MXD1: variants seen among roughly 807,000 people sequenced by gnomAD.
MXD1 encodes the protein MAX dimerization protein 1.
In MXD1, 9 loss-of-function variants were observed where a neutral mutation model predicts 25.7. The observed-to-expected ratio is 0.35, with a 90% CI of 0.21 to 0.61. The LOEUF (loss-of-function observed/expected upper bound fraction) is 0.61. MXD1 is among the 20% of genes least tolerant of loss of function. MXD1 has a pLI of 0.75. For missense variants in MXD1, 227 were observed against 292.4 expected, an observed-to-expected ratio of 0.78 and a Z score of 1.63; for synonymous variants, 99 against 113.9, an observed-to-expected ratio of 0.87 and a Z score of 0.83.
At chr2:69,920,974 C>T (rs1483654323) in intron 2 of MXD1, among the ~76,000 whole-genome samples, 2 of 152,200 alleles carry the variant, frequency 1.3e-5, no homozygotes, top group Non-Finnish European at 2.9e-5. Flanking sequence ...ATCAGTTTTA[C>T]AGCTGTTACC....
Position 69,940,140 on chromosome 2 carries a change from A to G in MXD1, c.*1856A>G, listed in dbSNP as rs932298173. ...TTGGGTGGGGGGAGGGGCAGGTGAC[A>G]CAAAGGATTTTTTTTTTTTTTTTTT... On this transcript the variant is annotated 3_prime_UTR_variant, in exon 6 of 6. Coordinates refer to ENST00000264444, the MANE Select transcript of MXD1 (RefSeq NM_002357.4). 4.1e-5 allele frequency: 6 copies of G among 148,140 alleles called. No homozygotes were observed. The highest frequency in any genetic ancestry group is 1.5e-4 in the African/African-American group (6 of 39,890). 9.2% of individuals were successfully genotyped at this position (148,140 alleles called of 1,614,324 possible).
chr2:69,930,026 T>C (rs10196546), intron 3 of MXD1, among the ~76,000 whole-genome samples: 60,539 of 152,122 alleles, frequency 0.4, 15,534 homozygotes, highest in African/African-American at 0.73. Context: ...GTAGTCCCAG[T>C]GTTAAAAAGA....
intron 2 of MXD1, 126 bp from the exon 3 acceptor site, chr2:69,921,610 T>C: frequency 1.4e-6 from 1 of 729,156 alleles, no homozygotes; most frequent in South Asian, 2.7e-5. Context: ...CCCAGTGAAT[T>C]TTTCTGCCTT....
At position 69,939,859 on chromosome 2, in the gene MXD1, C is replaced by A; in HGVS notation, c.*1575C>A. 6.6e-6 allele frequency: 1 copy of A among 152,630 alleles called. No individual in the cohort carries two copies. 9.5% of individuals were successfully genotyped at this position (152,630 alleles called of 1,614,324 possible). A position where few individuals can be genotyped will look rare whatever the true frequency, so the allele number is the denominator to read the frequency against. Reference sequence around the variant, plus strand: ...CGCTCCCCTGCGGTCACTCGCACACCACAGCCTGAAGCTCCCCCAGCGCCT... The same window carrying A: ...CGCTCCCCTGCGGTCACTCGCACACAACAGCCTGAAGCTCCCCCAGCGCCT... On this transcript the variant is annotated 3_prime_UTR_variant, in exon 6 of 6. Coordinates refer to ENST00000264444, the MANE Select transcript of MXD1 (RefSeq NM_002357.4).
intron 2 of MXD1, among the ~76,000 whole-genome samples, chr2:69,916,896 A>G (rs1676971976): frequency 6.6e-6 from 1 of 152,224 alleles, no homozygotes. Flanking sequence ...GATTTGGTTC[A>G]TGGTCAGTTA....
In MXD1 at chr2:69,916,154, A is replaced by G. The variant is rs34677262; in HGVS notation, c.107A>G (p.Tyr36Cys). 22 of 1,613,204 alleles carry G rather than the reference A, an allele frequency of 1.4e-5. No homozygotes were observed. Among genetic ancestry groups the G allele is most frequent in the Non-Finnish European group, 1.7e-5 (20 of 1,179,338 alleles). The change falls in exon 2 of 6, where the codon TAC becomes TGC. Residue 36 changes from tyrosine to cysteine, a missense_variant. Physicochemically the swap from Tyr to Cys is radical, Grantham distance 194. Coordinates refer to ENST00000264444, the MANE Select transcript of MXD1 (RefSeq NM_002357.4). ...AEHGYASMLPYNNKDRDALKR... is the reference protein window; with the variant it reads ...AEHGYASMLPCNNKDRDALKR... Reference sequence around the variant, plus strand: ...CATGGTTATGCCTCCATGTTACCATACAATAACAAGGACAGAGATGCCTTA... The same window carrying G: ...CATGGTTATGCCTCCATGTTACCATGCAATAACAAGGACAGAGATGCCTTA...
chr2:69,918,419 G>A (rs1676999993), intron 2 of MXD1, among the ~76,000 whole-genome samples: 1 of 152,184 alleles, frequency 6.6e-6, no homozygotes, highest in Non-Finnish European at 1.5e-5. Context: ...ATGAAATTGT[G>A]AATATCAATT....
intron 4 of MXD1, among the ~76,000 whole-genome samples, chr2:69,936,699 T>C (rs1677451935): frequency 1.3e-5 from 2 of 152,202 alleles, no homozygotes; most frequent in Non-Finnish European, 2.9e-5. Flanking sequence ...AACTCTTCTG[T>C]TGGACAAATT....
chr2:69,923,897 C>T (rs1029712118), intron 3 of MXD1, among the ~76,000 whole-genome samples: 3 of 152,192 alleles, frequency 2.0e-5, no homozygotes, highest in Admixed American at 6.5e-5. Context: ...TCTAGTTCTT[C>T]GCCCCTCTAA....
In MXD1 at chr2:69,938,415, A is replaced by T. The variant is rs1677511727; in HGVS notation, c.*131A>T. The T allele has an allele frequency of 2.2e-6, 2 of 891,960 alleles. No homozygotes were observed. The highest frequency in any genetic ancestry group is 1.7e-5 in the African/African-American group (1 of 59,170). The allele number at this position is 891,960 out of a possible 1,614,324, so 55.3% of individuals were successfully genotyped here. On this transcript the variant is annotated 3_prime_UTR_variant, in exon 6 of 6. Transcript: ENST00000264444. ...CCACCTTGACCAAAATCAGCTTTGT[A>T]ACTGTTTTCAAGGAGGTGCTTAGGA...
Position 69,939,007 on chromosome 2 carries a change from C to T in MXD1, c.*723C>T, listed in dbSNP as rs778353643. ...TTTTTGTGCGATGTTCTTGGGACCT[C>T]GCTGTGTTCTGCTATCTCGAGGCAC... is the stretch of plus-strand genomic sequence containing the variant. On this transcript the variant is annotated 3_prime_UTR_variant, in exon 6 of 6. Coordinates refer to ENST00000264444, the MANE Select transcript of MXD1 (RefSeq NM_002357.4). The T allele has an allele frequency of 6.6e-5, 10 of 152,532 alleles. No individual in the cohort carries two copies. Among genetic ancestry groups the T allele is most frequent in the Non-Finnish European group, 1.3e-4 (9 of 68,032 alleles). The allele number at this position is 152,532 out of a possible 1,614,324, so 9.4% of individuals were successfully genotyped here. A position where few individuals can be genotyped will look rare whatever the true frequency, so the allele number is the denominator to read the frequency against.
At chr2:69,923,465 T>C (rs558331175) in intron 3 of MXD1, among the ~76,000 whole-genome samples, 3 of 152,324 alleles carry the variant, frequency 2.0e-5, no homozygotes, top group South Asian at 4.1e-4. Context: ...AGCCTGACTC[T>C]GAAAGTCAGG....
At chr2:69,935,308 C>A (rs1677399168) in intron 3 of MXD1, 43 bp from the exon 4 acceptor site, 1 of 1,428,256 alleles carries the variant, frequency 7.0e-7, no homozygotes, top group Non-Finnish European at 9.9e-7. Context: ...GCTTCTGGCC[C>A]ACTGTGAAAC....
At chr2:69,937,536 C>T in intron 5 of MXD1, 142 bp downstream of exon 5, 1 of 769,938 alleles carries the variant, frequency 1.3e-6, no homozygotes, top group South Asian at 2.0e-5. Flanking sequence ...GTGTGACCTC[C>T]AGTGACAGGT....
chr2:69,932,670 G>A (rs935332317), intron 3 of MXD1, among the ~76,000 whole-genome samples: 1 of 152,144 alleles, frequency 6.6e-6, no homozygotes, highest in Non-Finnish European at 1.5e-5. Context: ...CCACATTTGG[G>A]TAGTGAAAAT....
rs1332613320 is a variant in MXD1, at chr2:69,920,434, C to T, written c.174-1302C>T. 2.0e-5 allele frequency among the ~76,000 whole-genome samples: 3 copies of T among 152,064 alleles called. 1 individual carries two copies. Among genetic ancestry groups the T allele is most frequent in the Admixed American group, 1.3e-4 (2 of 15,268 alleles). ...GAATAAAAATTGATTCCTAAGATCC[C>T]TGTGAAAGAGAAGTTTAATGCTAGG... On this transcript the variant is annotated intron_variant, in intron 2 of 5. Coordinates refer to ENST00000264444, the MANE Select transcript of MXD1 (RefSeq NM_002357.4).
At chr2:69,923,952 G>A (rs902104838) in intron 3 of MXD1, among the ~76,000 whole-genome samples, 2 of 152,060 alleles carry the variant, frequency 1.3e-5, no homozygotes, top group African/African-American at 4.8e-5. Context: ...AAATTTGATC[G>A]CTTCACATAA....
intron 3 of MXD1, among the ~76,000 whole-genome samples, chr2:69,929,159 C>T (rs962529020): frequency 6.6e-6 from 1 of 152,226 alleles, no homozygotes; most frequent in Non-Finnish European, 1.5e-5. Context: ...TCCGAAAGTG[C>T]TGGGATTACA....
In MXD1 at chr2:69,938,204, G is replaced by A. The variant is rs201472069; in HGVS notation, c.586G>A (p.Gly196Ser). The A allele has an allele frequency of 4.0e-5, 65 of 1,614,042 alleles. No individual in the cohort carries two copies. The highest frequency in any genetic ancestry group is 6.7e-5 in the Admixed American group (4 of 60,000). Residue 196 changes from glycine (G) to serine (S), a missense_variant, in exon 6 of 6, where the codon GGC (glycine) becomes AGC (serine). Transcript: ENST00000264444. ...CGAGCGGGGCAGCATGCAGAGCCTC[G>A]GCAGTGATGAGGGCTATTCCAGCAC... The part of the protein sequence containing the change: ...SDERGSMQSL[G>S]SDEGYSSTSI...
Sources: allele counts gnomAD v4.1 joint callset (sites outside exome capture counted in the v4.1 genomes callset), GRCh38; gene constraint gnomAD v4.1.1; transcripts MANE v1.5; gene names NCBI Gene and HGNC (gene_info 2026-07-23, HGNC 2026-07-21).